CLCN2: variants seen among roughly 807,000 people sequenced by gnomAD.
CLCN2 encodes the protein chloride channel protein 2.
Under a neutral mutation model 108.3 loss-of-function variants are expected in CLCN2, and 72 were observed. The observed-to-expected ratio is 0.66, with a 90% confidence interval of 0.55 to 0.81. The LOEUF is 0.81. Among genes scored for constraint, CLCN2 ranks in the 30% least tolerant of loss-of-function variants. The pLI, the probability that CLCN2 is intolerant of heterozygous loss-of-function variation, is 0.00. For synonymous variants in CLCN2, 471 were observed against 467.1 expected (o/e 1.01, Z -0.11); for missense variants, 1,048 against 1,205.2 (o/e 0.87, Z 1.93).
intron 13 of CLCN2, 121 bp from the exon 14 acceptor site, chr3:184,354,779 C>G: frequency 7.5e-7 from 1 of 1,333,684 alleles, no homozygotes. Flanking sequence ...AGGGCACAGC[C>G]CTGTGGGGTC....
rs1467379052 is a variant in CLCN2 at position 184,357,956 on chromosome 3, A to C, written c.615+6T>G. On this transcript the variant is annotated splice_donor_region_variant and intron_variant, in intron 5 of 23. Transcript: ENST00000265593. Reference sequence around the variant, plus strand: ...GGGACTCCTTCATTCCCCAGCCTGCAGTTACCTCTTTGCCAAGCGGCATCC... The same window carrying C: ...GGGACTCCTTCATTCCCCAGCCTGCCGTTACCTCTTTGCCAAGCGGCATCC... 6 of 1,613,860 alleles carry C rather than the reference A, an allele frequency of 3.7e-6. No homozygotes were observed. The Admixed American group carries it at 8.3e-5, about 22-fold the overall frequency.
At chr3:184,358,657 TC>T in intron 3 of CLCN2, 24 bp downstream of exon 3, 2 of 1,559,120 alleles carry the variant, frequency 1.3e-6, no homozygotes, top group Non-Finnish European at 1.7e-6. Flanking sequence ...TTCCCAGTCC[TC>T]CCCCTGCCAG....
rs144164281 is a variant in CLCN2 at position 184,352,474 on chromosome 3, C to T, written c.2240G>A (p.Arg747His). Residue 747 changes from arginine (R) to histidine (H), a missense_variant, in exon 20 of 24, where the codon CGC becomes CAC. Transcript: ENST00000265593. ...ASEKLESCEK[R>H]KLKRVRISLA... ...GGAGATTCGGACACGCTTCAGCTTG[C>T]GCTTCTCACAGGATTCCAACTTCTT... 2.2e-4 allele frequency: 354 copies of T among 1,613,176 alleles called. No individual in the cohort carries two copies. In the African/African-American group the frequency reaches 2.3e-3, roughly 11 times the overall value.
Position 184,361,538 on chromosome 3 carries a change from C to T in CLCN2, c.-59G>A. 6.3e-7 allele frequency: 1 copy of T among 1,583,446 alleles called. No homozygotes were observed. On this transcript the variant is annotated 5_prime_UTR_variant, in exon 1 of 24. Transcript: ENST00000265593. This position sits in a 1 kb window ranked among gnomAD's most constrained non-coding sequence, Gnocchi z 6.6. ...TTCCGGCTCTGTCCTGGACTCGGCT[C>T]CCGGCCCGCAAAGTCCGCGCCGGCA...
At chr3:184,358,878 C>T in intron 2 of CLCN2, 65 bp from the exon 3 acceptor site, 5 of 1,613,328 alleles carry the variant, frequency 3.1e-6, no homozygotes, top group Non-Finnish European at 4.2e-6. Flanking sequence ...TTTTACTGCC[C>T]CCTCAACTGT....
Position 184,346,590 on chromosome 3 carries a change from G to GC in CLCN2, c.*15dup. The GC allele has an allele frequency of 6.2e-7, 1 of 1,613,450 alleles. No homozygotes were observed. The highest frequency in any genetic ancestry group is 8.5e-7 in the Non-Finnish European group (1 of 1,179,922). Reference sequence around the variant, plus strand: ...ACGGGCATGGCTAGCACCATCCTAGGCCACCCACGAGGGGCTCATTGGCAT... The same window carrying GC: ...ACGGGCATGGCTAGCACCATCCTAGGCCCACCCACGAGGGGCTCATTGGCAT... On this transcript the variant is annotated 3_prime_UTR_variant, in exon 24 of 24. Coordinates refer to ENST00000265593, the MANE Select transcript of CLCN2 (RefSeq NM_004366.6). The surrounding 1 kb of genome is among the most constrained non-coding windows in gnomAD (Gnocchi z 6.0).
intron 2 of CLCN2, 39 bp downstream of exon 2, chr3:184,358,936 C>A: frequency 6.2e-7 from 1 of 1,613,522 alleles, no homozygotes; most frequent in Admixed American, 1.7e-5. Context: ...TCCCTCAGCA[C>A]AGCACAGCCA....
chr3:184,359,155 G>T (rs1206619848), intron 1 of CLCN2, 24 bp from the exon 2 acceptor site: 1 of 1,613,432 alleles, frequency 6.2e-7, no homozygotes, highest in South Asian at 1.1e-5. Flanking sequence ...GGGGATGGGG[G>T]CATTCGAGGT....
chr3:184,358,955 GC>G lies in CLCN2; in HGVS notation c.220+19del, dbSNP rs1711620697. On this transcript the variant is annotated intron_variant, in intron 2 of 23. Coordinates refer to ENST00000265593, the MANE Select transcript of CLCN2 (RefSeq NM_004366.6). ...TCAGCACAGCACAGCCAGGTCCCCT[GC>G]CCCCACCCCAGTTCTCACCGCGGCA... 6.2e-7 allele frequency: 1 copy of G among 1,613,408 alleles called. No individual in the cohort carries two copies.
Position 184,353,330 on chromosome 3 carries a change from G to C in CLCN2, c.1948C>G (p.Gln650Glu), listed in dbSNP as rs749533814. Reference sequence around the variant, plus strand: ...GAGGTCTGGGTGGCTCTGCGCTCCTGCATGTGCTGCCGCCGGCGGGCTGGG... The same window carrying C: ...GAGGTCTGGGTGGCTCTGCGCTCCTCCATGTGCTGCCGCCGGCGGGCTGGG... The part of the protein sequence containing the change: ...LSPARRRQHM[Q>E]ERRATQTSPL... Residue 650 changes from glutamine (Q) to glutamate (E), a missense_variant, in exon 17 of 24, where the codon CAG becomes GAG. By Grantham distance (29) the Gln-to-Glu change is conservative. Transcript: ENST00000265593. 1.7e-5 allele frequency: 28 copies of C among 1,613,254 alleles called. No homozygotes were observed. Among genetic ancestry groups the C allele is most frequent in the Admixed American group, 3.3e-5 (2 of 59,988 alleles).
intron 1 of CLCN2, among the ~76,000 whole-genome samples, chr3:184,360,982 A>G (rs1302677758): frequency 3.3e-5 from 5 of 151,978 alleles, no homozygotes; most frequent in Non-Finnish European, 7.4e-5. Context: ...CTTTCTACAC[A>G]CTCGATTCTA....
chr3:184,356,495 C>G (rs929572796), intron 10 of CLCN2: 1 of 166,174 alleles, frequency 6.0e-6, no homozygotes, highest in Non-Finnish European at 1.3e-5. Context: ...CAAAATTAGC[C>G]GGGCGTGGTG....
intron 22 of CLCN2, chr3:184,347,411 A>C (rs556878261): frequency 3.8e-4 from 133 of 349,224 alleles, no homozygotes; most frequent in African/African-American, 2.7e-3. Flanking sequence ...AGAACTAAGC[A>C]TTAGGAGAAG....
chr3:184,359,682 G>T (rs545135074), intron 1 of CLCN2, among the ~76,000 whole-genome samples: 1 of 152,236 alleles, frequency 6.6e-6, no homozygotes, highest in African/African-American at 2.4e-5. Context: ...ATTCTCCACT[G>T]CCACCCCCAC....
At position 184,355,299 on chromosome 3, in the gene CLCN2, G is replaced by T; in HGVS notation, c.1326+75C>A. ...CATGGCACTGTGGAGAGGCTTCGAG[G>T]AGTGAGCACTGCGTGGCAGGTGCTT... On this transcript the variant is annotated intron_variant, in intron 12 of 23. Transcript: ENST00000265593. This position sits in a 1 kb window ranked among gnomAD's most constrained non-coding sequence, Gnocchi z 6.3. 6.7e-7 allele frequency: 1 copy of T among 1,496,594 alleles called. No individual in the cohort carries two copies. The highest frequency in any genetic ancestry group is 1.1e-5 in the South Asian group (1 of 88,508). 92.7% of individuals were successfully genotyped at this position (1,496,594 alleles called of 1,614,324 possible).
intron 22 of CLCN2, chr3:184,347,605 C>T (rs959552536): frequency 1.7e-5 from 3 of 173,848 alleles, no homozygotes; most frequent in African/African-American, 7.2e-5. Context: ...GAATCCTATG[C>T]CTCTCGTTCC....
rs752668311 is a variant in CLCN2 at position 184,353,701 on chromosome 3, T to C, written c.1816A>G (p.Arg606Gly). ...TFRDLRLALH[R>G]TKGRMLALVE... is the part of the protein sequence containing the mutation. ...AGGGCCAGCATTCGGCCCTTGGTCC[T>C]GTGCAGTGCCAAACGCAGGTCCCGG... The change falls in exon 16 of 24, where the codon AGG becomes GGG. Residue 606 changes from arginine (R) to glycine (G), a missense_variant. Physicochemically the swap from Arg to Gly is moderately radical, Grantham distance 125. Transcript: ENST00000265593. 130 of 1,611,656 alleles carry C rather than the reference T, an allele frequency of 8.1e-5. No individual in the cohort carries two copies. The highest frequency in any genetic ancestry group is 1.7e-4 in the Middle Eastern group (1 of 5,988).
rs773745697 is a variant in CLCN2 at position 184,354,638 on chromosome 3, C to A, written c.1417G>T (p.Val473Leu). Residue 473 changes from valine to leucine, a missense_variant, in exon 14 of 24, where the codon GTG becomes TTG. Val to Leu is a conservative substitution (Grantham distance 32). Coordinates refer to ENST00000265593, the MANE Select transcript of CLCN2 (RefSeq NM_004366.6). ...AACCAGGCAGCCATGCTTTCACCCACCAGACGCCCAAATGCTGCTCCTTCA... is the reference window on the plus strand; with the variant it reads ...AACCAGGCAGCCATGCTTTCACCCAACAGACGCCCAAATGCTGCTCCTTCA... ...FVIGAAFGRL[V>L]GESMAAWFPD... 6.2e-7 allele frequency: 1 copy of A among 1,611,956 alleles called. No homozygotes were observed. Among genetic ancestry groups the A allele is most frequent in the South Asian group, 1.1e-5 (1 of 91,046 alleles).
chr3:184,361,061 AGAGAAAG>A lies in CLCN2; in HGVS notation c.63+349_63+355del. On this transcript the variant is annotated intron_variant, in intron 1 of 23. Transcript: ENST00000265593. This position sits in a 1 kb window ranked among gnomAD's most constrained non-coding sequence, Gnocchi z 6.6. ...TCTTGGGTGGTGGAGATAGTGGCGTAGAGAAAGTTCAATGGTGTGAATGGTGCCGCGG... is the reference window on the plus strand; with the variant it reads ...TCTTGGGTGGTGGAGATAGTGGCGTATTCAATGGTGTGAATGGTGCCGCGG... 6.6e-6 allele frequency among the ~76,000 whole-genome samples: 1 copy of A among 152,210 alleles called. No homozygotes were observed. Among genetic ancestry groups the A allele is most frequent in the Admixed American group, 6.5e-5 (1 of 15,282 alleles).
Sources: allele counts gnomAD v4.1 joint callset (sites outside exome capture counted in the v4.1 genomes callset), GRCh38; gene constraint gnomAD v4.1.1; non-coding constraint Gnocchi (gnomAD v3.1); transcripts MANE v1.5; gene names NCBI Gene and HGNC (gene_info 2026-07-23, HGNC 2026-07-21).